Variants in PPID observed in about 807,000 individuals in gnomAD.
The protein encoded by PPID is peptidyl-prolyl cis-trans isomerase D.
A neutral mutation model predicts 48.1 loss-of-function variants in PPID; 47 were observed. That is an observed-to-expected ratio of 0.98 (90% CI 0.77 to 1.25). PPID has a LOEUF of 1.25. Among genes scored for constraint, PPID ranks in the 50% most tolerant of loss-of-function variants. PPID has a pLI of 0.00. For synonymous variants in PPID, 163 were observed against 148.8 expected (o/e 1.10, Z -0.69); for missense variants, 429 against 443.5 (o/e 0.97, Z 0.29).
intron 2 of PPID, among the ~76,000 whole-genome samples, chr4:158,719,602 A>G (rs1304873263): frequency 1.3e-5 from 2 of 152,210 alleles, no homozygotes; most frequent in Admixed American, 6.5e-5. Flanking sequence ...GACTCTGCCT[A>G]CATAACATAT....
At chr4:158,719,129 G>A (rs1385196065) in intron 3 of PPID, 51 bp downstream of exon 3, 3 of 1,227,122 alleles carry the variant, frequency 2.4e-6, no homozygotes, top group African/African-American at 1.5e-5. Flanking sequence ...AAGTATTCCA[G>A]ATATATAACA....
At position 158,723,355 on chromosome 4, in the gene PPID, T is replaced by C. The variant is rs1033101034; in HGVS notation, c.-67A>G. The C allele has an allele frequency of 1.5e-5, 22 of 1,479,928 alleles. No individual in the cohort carries two copies. The Admixed American group carries it at 3.7e-4, about 25-fold the overall frequency. 91.7% of individuals were successfully genotyped at this position (1,479,928 alleles called of 1,614,324 possible). A position where few individuals can be genotyped will look rare whatever the true frequency, so the allele number is the denominator to read the frequency against. ...TAGTGGCCGCCCGGGCCGCCCAAACTCCAGAGTCCGTCTCCGCCGGAGACC... is the reference window on the plus strand; with the variant it reads ...TAGTGGCCGCCCGGGCCGCCCAAACCCCAGAGTCCGTCTCCGCCGGAGACC... On this transcript the variant is annotated 5_prime_UTR_variant, in exon 1 of 10. Transcript: ENST00000307720.
chr4:158,712,125 A>G (rs1192229666), intron 7 of PPID, among the ~76,000 whole-genome samples: 1 of 152,252 alleles, frequency 6.6e-6, no homozygotes, highest in Non-Finnish European at 1.5e-5. Flanking sequence ...GCCTGGCTTA[A>G]TATGTAAAAT....
intron 2 of PPID, among the ~76,000 whole-genome samples, chr4:158,720,935 C>T (rs951649335): frequency 5.3e-5 from 8 of 152,030 alleles, no homozygotes; most frequent in African/African-American, 9.7e-5. Flanking sequence ...AAGATGGTCT[C>T]GATCTCCTGA....
rs138103746 is a variant in PPID at position 158,720,378 on chromosome 4, T to G, written c.226+965A>C. Among the ~76,000 whole-genome samples, 285 of 152,334 alleles carry G rather than the reference T, an allele frequency of 1.9e-3. 2 individuals are homozygous for G. Among genetic ancestry groups the G allele is most frequent in the Middle Eastern group, 6.8e-3 (2 of 294 alleles). The stretch of plus-strand genomic sequence containing the variant: ...AAATATTTTTTAAAAAGTTAATTTT[T>G]TCTTAATAAATCGTTTAAAAAATGT... On this transcript the variant is annotated intron_variant, in intron 2 of 9. Coordinates refer to ENST00000307720, the MANE Select transcript of PPID (RefSeq NM_005038.3).
chr4:158,721,803 GATC>G (rs1392792129), intron 1 of PPID, among the ~76,000 whole-genome samples: 2 of 152,322 alleles, frequency 1.3e-5, no homozygotes, highest in African/African-American at 2.4e-5. Context: ...ATGTAAGTGA[GATC>G]ATGCCTTGTC....
At chr4:158,714,099 A>G (rs1774832258) in intron 6 of PPID, among the ~76,000 whole-genome samples, 1 of 152,206 alleles carries the variant, frequency 6.6e-6, no homozygotes, top group Non-Finnish European at 1.5e-5. Context: ...TCTTGCAAAC[A>G]GAAGAATGCT....
chr4:158,718,219 C>T (rs1774902286), intron 3 of PPID, among the ~76,000 whole-genome samples: 1 of 152,196 alleles, frequency 6.6e-6, no homozygotes. Flanking sequence ...TCTTTCCTCA[C>T]CGACGTCCCT....
chr4:158,717,518 A>G (rs1463192185), intron 3 of PPID, among the ~76,000 whole-genome samples: 1 of 152,174 alleles, frequency 6.6e-6, no homozygotes, highest in Non-Finnish European at 1.5e-5. Context: ...GAAAATACTT[A>G]CACTTCACCT....
intron 6 of PPID, 139 bp from the exon 7 acceptor site, chr4:158,713,399 T>A: frequency 1.0e-6 from 1 of 997,868 alleles, no homozygotes; most frequent in Non-Finnish European, 1.4e-6. Flanking sequence ...TCACACTTTT[T>A]AAAATTTTTA....
intron 2 of PPID, 34 bp downstream of exon 2, chr4:158,721,309 G>A: frequency 6.2e-7 from 1 of 1,604,860 alleles, no homozygotes. Flanking sequence ...TTGTCTGTAT[G>A]AAGAATAACA....
Position 158,719,164 on chromosome 4 carries a change from A to AT in PPID, c.333+15dup. 6.7e-7 allele frequency: 1 copy of AT among 1,494,496 alleles called. No individual in the cohort carries two copies. The highest frequency in any genetic ancestry group is 9.3e-7 in the Non-Finnish European group (1 of 1,074,840). The allele number at this position is 1,494,496 out of a possible 1,614,324, so 92.6% of individuals were successfully genotyped here. A position where few individuals can be genotyped will look rare whatever the true frequency, so the allele number is the denominator to read the frequency against. On this transcript the variant is annotated intron_variant, in intron 3 of 9. Transcript: ENST00000307720. ...AATCTTTTTATCAGCAATAACATGC[A>AT]TTTTCTCTACTTTACCTTGTAATGG...
intron 2 of PPID, 62 bp downstream of exon 2, chr4:158,721,281 A>C (rs569647810): frequency 3.8e-6 from 6 of 1,565,016 alleles, no homozygotes; most frequent in Non-Finnish European, 5.2e-6. Context: ...TTCTTCCCCA[A>C]ATCCTAAAGA....
chr4:158,719,408 T>C, intron 2 of PPID, 122 bp from the exon 3 acceptor site: 1 of 678,356 alleles, frequency 1.5e-6, no homozygotes, highest in Non-Finnish European at 2.5e-6. Flanking sequence ...TCTCTCCTGT[T>C]TGTCGCTCCC....
At chr4:158,722,284 C>T (rs758480356) in intron 1 of PPID, among the ~76,000 whole-genome samples, 12 of 152,206 alleles carry the variant, frequency 7.9e-5, no homozygotes, top group Non-Finnish European at 1.3e-4. Flanking sequence ...TTTCCAATCA[C>T]CAAGCAACCA....
rs1466733441 is a variant in PPID, at chr4:158,719,298, G to T, written c.227-12C>A. 1 of 1,528,138 alleles carries T rather than the reference G, an allele frequency of 6.5e-7. No individual in the cohort carries two copies. The highest frequency in any genetic ancestry group is 9.1e-7 in the Non-Finnish European group (1 of 1,103,314). The allele number at this position is 1,528,138 out of a possible 1,614,324, so 94.7% of individuals were successfully genotyped here. ...AAATTTCTTAATAACTACAAAAAAGGAAAATGGCTATTAGTGACTGAGACA... is the reference window on the plus strand; with the variant it reads ...AAATTTCTTAATAACTACAAAAAAGTAAAATGGCTATTAGTGACTGAGACA... On this transcript the variant is annotated splice_polypyrimidine_tract_variant and intron_variant, in intron 2 of 9. Coordinates refer to ENST00000307720, the MANE Select transcript of PPID (RefSeq NM_005038.3).
chr4:158,711,100 G>C (rs1774783401), intron 7 of PPID, among the ~76,000 whole-genome samples: 1 of 152,004 alleles, frequency 6.6e-6, no homozygotes, highest in African/African-American at 2.4e-5. Context: ...TCCCGAATGG[G>C]CCTGAACTAA....
chr4:158,718,438 C>T (rs926437879), intron 3 of PPID, among the ~76,000 whole-genome samples: 1 of 152,152 alleles, frequency 6.6e-6, no homozygotes, highest in Non-Finnish European at 1.5e-5. Flanking sequence ...ATCAATTTAG[C>T]ATTTATTTAT....
chr4:158,709,990 CG>C (rs1774757133), intron 9 of PPID, 166 bp from the exon 10 acceptor site: 1 of 592,812 alleles, frequency 1.7e-6, no homozygotes, highest in Non-Finnish European at 2.9e-6. Flanking sequence ...AGAAATGAAA[CG>C]TAATTTTAGA....
Sources: allele counts gnomAD v4.1 joint callset (sites outside exome capture counted in the v4.1 genomes callset), GRCh38; gene constraint gnomAD v4.1.1; transcripts MANE v1.5; gene names NCBI Gene and HGNC (gene_info 2026-07-23, HGNC 2026-07-21).